The following TASP1 variants were observed in gnomAD, a reference collection of about 807,000 sequenced individuals.
TASP1 encodes the protein threonine aspartase 1.
Under a neutral mutation model 56.6 loss-of-function variants are expected in TASP1, and 16 were observed. That is an observed-to-expected ratio of 0.28 (90% confidence interval 0.19 to 0.43). The LOEUF (loss-of-function observed/expected upper bound fraction) is 0.43. Among genes scored for constraint, TASP1 ranks in the 20% least tolerant of loss-of-function variants. The pLI, the probability that TASP1 is intolerant of heterozygous loss-of-function variation, is 1.00. For synonymous variants in TASP1, 179 were observed against 184.2 expected (o/e 0.97, Z 0.23); for missense variants, 393 against 511.6 (o/e 0.77, Z 2.24).
the TASP1 span, among the ~76,000 whole-genome samples, chr20:13,106,699 G>C: frequency 1.3e-5 from 2 of 152,208 alleles, no homozygotes; most frequent in African/African-American, 4.8e-5. Context: ...CTGCAGGTGA[G>C]CTGGGGTAAC....
chr20:13,433,683 C>T (rs1430942255), intron 12 of TASP1, among the ~76,000 whole-genome samples: 1 of 151,718 alleles, frequency 6.6e-6, no homozygotes, highest in Non-Finnish European at 1.5e-5. Flanking sequence ...ATAAAAAACA[C>T]ACAGTCTTCT....
intron 10 of TASP1, among the ~76,000 whole-genome samples, chr20:13,492,167 T>A (rs539204505): frequency 6.6e-6 from 1 of 152,276 alleles, no homozygotes; most frequent in South Asian, 2.1e-4. Context: ...ACACCACACG[T>A]CTCCAAGGAT....
chr20:13,169,804 T>C, the TASP1 span, among the ~76,000 whole-genome samples: 57 of 152,286 alleles, frequency 3.7e-4, no homozygotes, highest in Non-Finnish European at 2.9e-4. Context: ...TTTTCTTCTA[T>C]TCCCCAACCC....
the TASP1 span, chr20:13,245,256 C>T: frequency 6.6e-6 from 1 of 152,164 alleles, no homozygotes; most frequent in Admixed American, 6.5e-5. Context: ...ATCCCTTGGC[C>T]CATGGTCTCT....
At chr20:13,264,290 T>C in the TASP1 span, among the ~76,000 whole-genome samples, 1 of 152,182 alleles carries the variant, frequency 6.6e-6, no homozygotes, top group South Asian at 2.1e-4. Flanking sequence ...GTACTAAACT[T>C]TCCTAGACAG....
At chr20:13,236,200 G>A in the TASP1 span, among the ~76,000 whole-genome samples, 3 of 152,210 alleles carry the variant, frequency 2.0e-5, no homozygotes, top group Non-Finnish European at 2.9e-5. Context: ...TGGGATTACA[G>A]TCGTGAGCCA....
the TASP1 span, among the ~76,000 whole-genome samples, chr20:13,284,098 C>T: frequency 6.6e-6 from 1 of 152,222 alleles, no homozygotes; most frequent in South Asian, 2.1e-4. Flanking sequence ...GAGGATGTTT[C>T]CACCTACCTC....
At chr20:13,590,388 A>C (rs2047478954) in intron 4 of TASP1, among the ~76,000 whole-genome samples, 2 of 152,252 alleles carry the variant, frequency 1.3e-5, no homozygotes, top group African/African-American at 2.4e-5. Flanking sequence ...GCAAGTAAGC[A>C]GAATAATATG....
chr20:13,216,814 C>T, the TASP1 span, among the ~76,000 whole-genome samples: 13 of 152,136 alleles, frequency 8.5e-5, no homozygotes, highest in Non-Finnish European at 5.9e-5. Flanking sequence ...TAAGGTTACC[C>T]TGGGCAAAAA....
chr20:13,466,630 A>G (rs57218913), intron 11 of TASP1, among the ~76,000 whole-genome samples: 1 of 151,978 alleles, frequency 6.6e-6, no homozygotes, highest in Non-Finnish European at 1.5e-5. Context: ...AATCCCAGCC[A>G]CAGGGGAGGC....
At chr20:13,379,325 T>C in the TASP1 span, among the ~76,000 whole-genome samples, 93,303 of 152,034 alleles carry the variant, frequency 0.61, 29,266 homozygotes, top group Non-Finnish European at 0.69. Flanking sequence ...ATTTCTCTTT[T>C]GCTTATGAAG....
the TASP1 span, among the ~76,000 whole-genome samples, chr20:13,142,342 G>C: frequency 1.8e-4 from 27 of 152,212 alleles, no homozygotes; most frequent in Non-Finnish European, 3.1e-4. Context: ...TGGACCCTGA[G>C]ATGGGGGAGT....
chr20:13,530,634 A>G (rs1302213701), intron 9 of TASP1, among the ~76,000 whole-genome samples: 1 of 152,210 alleles, frequency 6.6e-6, no homozygotes, highest in Non-Finnish European at 1.5e-5. Flanking sequence ...CACCTCTTAT[A>G]AAGCCAGGGG....
the TASP1 span, among the ~76,000 whole-genome samples, chr20:13,315,023 G>T: frequency 1.3e-5 from 2 of 151,946 alleles, no homozygotes; most frequent in African/African-American, 4.8e-5. Flanking sequence ...CTAAAAAAAA[G>T]TTTAAAAGGA....
intron 6 of TASP1, among the ~76,000 whole-genome samples, chr20:13,575,678 A>G (rs1030733857): frequency 2.0e-5 from 3 of 152,170 alleles, no homozygotes; most frequent in African/African-American, 7.2e-5. Flanking sequence ...GAACTTTCTC[A>G]ATATGATCAA....
At chr20:13,125,819 A>G in the TASP1 span, among the ~76,000 whole-genome samples, 1 of 152,224 alleles carries the variant, frequency 6.6e-6, no homozygotes, top group Non-Finnish European at 1.5e-5. Context: ...TCTGCCATAT[A>G]TTACTGAACA....
At chr20:13,542,495 T>C (rs2045660473) in intron 8 of TASP1, among the ~76,000 whole-genome samples, 1 of 152,172 alleles carries the variant, frequency 6.6e-6, no homozygotes. Context: ...TGGACGTGAA[T>C]AGCATATTAA....
At chr20:13,555,657 C>T (rs1024955832) in intron 8 of TASP1, among the ~76,000 whole-genome samples, 5 of 152,132 alleles carry the variant, frequency 3.3e-5, no homozygotes, top group African/African-American at 9.7e-5. Context: ...ATCCATGAGG[C>T]TTGGAATCCA....
the TASP1 span, among the ~76,000 whole-genome samples, chr20:13,184,028 C>CAA: frequency 1.1e-4 from 7 of 61,538 alleles, no homozygotes; most frequent in South Asian, 5.5e-4. Context: ...GACTCTGTCT[C>CAA]AAAAAAAAAA....
Sources: allele counts gnomAD v4.1 joint callset (sites outside exome capture counted in the v4.1 genomes callset), GRCh38; gene constraint gnomAD v4.1.1; transcripts MANE v1.5; gene names NCBI Gene and HGNC (gene_info 2026-07-23, HGNC 2026-07-21).